The following TMEM92 variants were observed in gnomAD, a reference collection of about 807,000 sequenced individuals.
TMEM92 encodes transmembrane protein 92.
Under a neutral mutation model 14.6 loss-of-function variants are expected in TMEM92, and 15 were observed. That is an observed-to-expected ratio of 1.03 (90% confidence interval 0.69 to 1.58). The LOEUF (loss-of-function observed/expected upper bound fraction) is 1.58. Among genes scored for constraint, TMEM92 ranks in the 40% most tolerant of loss-of-function variants. TMEM92 has a pLI of 0.00. For missense variants in TMEM92, 174 were observed against 202.4 expected (o/e 0.86, Z 0.85); for synonymous variants, 85 against 83.3 (o/e 1.02, Z -0.11).
intron 3 of TMEM92, 67 bp from the exon 4 acceptor site, chr17:50,278,734 G>T: frequency 2.5e-6 from 4 of 1,571,116 alleles, no homozygotes; most frequent in Non-Finnish European, 2.6e-6. Flanking sequence ...CGGCGGGAGC[G>T]GGGAGATGTA....
rs1444488749 is a variant in TMEM92, at chr17:50,281,123, G to A, written c.*1815G>A. On this transcript the variant is annotated 3_prime_UTR_variant, in exon 5 of 5. Coordinates refer to ENST00000507382, the MANE Select transcript of TMEM92 (RefSeq NM_153229.3). ...CTAGGGAGTAGCAGAGTGGCCCTAG[G>A]GAAAGTGGCCATCCTGAAACCTAGT... 1 of 152,118 alleles carries A rather than the reference G, an allele frequency of 6.6e-6. No homozygotes were observed. The highest frequency in any genetic ancestry group is 1.5e-5 in the Non-Finnish European group (1 of 67,992). The allele number at this position is 152,118 out of a possible 1,614,324, so 9.4% of individuals were successfully genotyped here. A position where few individuals can be genotyped will look rare whatever the true frequency, so the allele number is the denominator to read the frequency against.
At chr17:50,272,973 A>G (rs973482039), upstream of TMEM92, among the ~76,000 whole-genome samples, 1 of 152,136 alleles carries the variant, frequency 6.6e-6, no homozygotes, top group African/African-American at 2.4e-5. Context: ...ACGGGGAGAG[A>G]CACAGAGGGG....
At chr17:50,279,138 G>A (rs904411023) in intron 4 of TMEM92, 57 bp from the exon 5 acceptor site, 24 of 1,556,564 alleles carry the variant, frequency 1.5e-5, no homozygotes, top group Non-Finnish European at 6.2e-6. Context: ...AGCTGGGATG[G>A]GGGAGTGGTG....
chr17:50,272,175 GCCTCCTCCCCCT>G (rs1339465591), upstream of TMEM92, among the ~76,000 whole-genome samples: 1 of 152,024 alleles, frequency 6.6e-6, no homozygotes. Flanking sequence ...AGCTATGCCA[GCCTCCTCCCCCT>G]CCTCCTGCCC....
At chr17:50,279,146 G>A (rs1013202967) in intron 4 of TMEM92, 49 bp from the exon 5 acceptor site, 3 of 1,583,778 alleles carry the variant, frequency 1.9e-6, no homozygotes, top group Non-Finnish European at 2.6e-6. Flanking sequence ...TGGGGGAGTG[G>A]TGGCCAGGGC....
upstream of TMEM92, among the ~76,000 whole-genome samples, chr17:50,273,463 G>T (rs1401991691): frequency 2.0e-5 from 3 of 152,240 alleles, no homozygotes; most frequent in African/African-American, 7.2e-5. Flanking sequence ...GCTCGCCCGC[G>T]CCCCGGCGGG....
intron 1 of TMEM92, among the ~76,000 whole-genome samples, chr17:50,276,623 T>A (rs1910441395): frequency 6.6e-6 from 1 of 152,090 alleles, no homozygotes; most frequent in Non-Finnish European, 1.5e-5. Context: ...GAGATGCCCT[T>A]CCCCACCACC....
chr17:50,278,882 A>G lies in TMEM92; in HGVS notation c.252A>G (p.Arg84=). The part of the protein sequence containing the change: ...GLAKCFCRNC[R]EPEPDSPVDC... ...CTAAGTGCTTCTGTCGCAACTGCAG[A>G]GAGCCGGAGCCAGACAGCCCAGTGG... Residue 84 remains arginine (R), a synonymous_variant, in exon 4 of 5, where the codon AGA becomes AGG. Transcript: ENST00000507382. The G allele has an allele frequency of 6.2e-7, 1 of 1,613,738 alleles. No homozygotes were observed. The highest frequency in any genetic ancestry group is 2.2e-5 in the East Asian group (1 of 44,838).
At chr17:50,279,103 C>A in intron 4 of TMEM92, 92 bp from the exon 5 acceptor site, 1 of 1,460,994 alleles carries the variant, frequency 6.8e-7, no homozygotes, top group Non-Finnish European at 9.6e-7. Flanking sequence ...CATTGGGTCA[C>A]CCCTCTCCCT....
intron 1 of TMEM92, among the ~76,000 whole-genome samples, chr17:50,276,906 G>T (rs1223109089): frequency 3.3e-5 from 5 of 152,186 alleles, no homozygotes; most frequent in African/African-American, 1.2e-4. Context: ...GGAAAAGGGT[G>T]GTTGTAATTT....
Position 50,279,227 on chromosome 17 carries a change from C to T in TMEM92, c.399C>T (p.Pro133=), listed in dbSNP as rs1910535222. The change falls in exon 5 of 5, where the codon CCC becomes CCT. Residue 133 remains proline, a synonymous_variant. Coordinates refer to ENST00000507382, the MANE Select transcript of TMEM92 (RefSeq NM_153229.3). ...VILKPSLGPT[P]TEPPPPYSFR... is the part of the protein sequence containing the mutation. Reference sequence around the variant, plus strand: ...TGAAGCCCAGCCTGGGCCCAACTCCCACAGAGCCACCCCCTCCCTACAGCT... The same window carrying T: ...TGAAGCCCAGCCTGGGCCCAACTCCTACAGAGCCACCCCCTCCCTACAGCT... 6.2e-7 allele frequency: 1 copy of T among 1,614,018 alleles called. No homozygotes were observed. The highest frequency in any genetic ancestry group is 2.2e-5 in the East Asian group (1 of 44,864).
rs889513755 is a variant in TMEM92, at chr17:50,279,903, C to T, written c.*595C>T. 6 of 154,700 alleles carry T rather than the reference C, an allele frequency of 3.9e-5. No individual in the cohort carries two copies. The highest frequency in any genetic ancestry group is 1.4e-4 in the African/African-American group (6 of 41,438). 9.6% of individuals were successfully genotyped at this position (154,700 alleles called of 1,614,324 possible). On this transcript the variant is annotated 3_prime_UTR_variant, in exon 5 of 5. Transcript: ENST00000507382. ...GGTGATGGGGTCGCTGCGCCGCAATCCCACCACTGATGAGCCACCTGGGAG... is the reference window on the plus strand; with the variant it reads ...GGTGATGGGGTCGCTGCGCCGCAATTCCACCACTGATGAGCCACCTGGGAG...
Position 50,278,903 on chromosome 17 carries a change from A to T in TMEM92, c.273A>T (p.Pro91=). ...GCAGAGAGCCGGAGCCAGACAGCCC[A>T]GTGGATTGCCGGGGGCCCCTGGAAC... ...RNCREPEPDS[P]VDCRGPLELP... is the part of the protein sequence containing the mutation. The change falls in exon 4 of 5, where the codon CCA becomes CCT. Residue 91 remains proline (P), a synonymous_variant. Coordinates refer to ENST00000507382, the MANE Select transcript of TMEM92 (RefSeq NM_153229.3). 1 of 1,613,738 alleles carries T rather than the reference A, an allele frequency of 6.2e-7. No individual in the cohort carries two copies. The highest frequency in any genetic ancestry group is 8.5e-7 in the Non-Finnish European group (1 of 1,179,850).
At chr17:50,274,831 G>C (rs1018190105) in intron 1 of TMEM92, 2 of 526,428 alleles carry the variant, frequency 3.8e-6, no homozygotes, top group African/African-American at 3.9e-5. Flanking sequence ...CTGACACCTA[G>C]CACGTCTCTG....
At chr17:50,274,988 A>T (rs1372188174) in intron 1 of TMEM92, 2 of 176,368 alleles carry the variant, frequency 1.1e-5, no homozygotes, top group African/African-American at 4.8e-5. Context: ...CCTCTTTGGG[A>T]CTGTGTCTCT....
In TMEM92 at chr17:50,278,872, G is replaced by T; in HGVS notation, c.242G>T (p.Arg81Leu). ...CICGLAKCFC[R>L]NCREPEPDSP... ...TGTGGCCTGGCTAAGTGCTTCTGTC[G>T]CAACTGCAGAGAGCCGGAGCCAGAC... Residue 81 changes from arginine (R) to leucine (L), a missense_variant, in exon 4 of 5, where the codon CGC becomes CTC. Coordinates refer to ENST00000507382, the MANE Select transcript of TMEM92 (RefSeq NM_153229.3). The T allele has an allele frequency of 6.2e-7, 1 of 1,613,750 alleles. No homozygotes were observed. Among genetic ancestry groups the T allele is most frequent in the Non-Finnish European group, 8.5e-7 (1 of 1,179,872 alleles).
At chr17:50,276,398 G>T (rs1910433323) in intron 1 of TMEM92, among the ~76,000 whole-genome samples, 1 of 152,234 alleles carries the variant, frequency 6.6e-6, no homozygotes, top group African/African-American at 2.4e-5. Context: ...AGGGGACAAA[G>T]CCTGTGAGAT....
upstream of TMEM92, chr17:50,274,334 C>G (rs934719880): frequency 6.1e-6 from 4 of 658,036 alleles, no homozygotes; most frequent in Non-Finnish European, 1.1e-5. Flanking sequence ...CAGACCTCTG[C>G]GCCTCCCTTC....
upstream of TMEM92, chr17:50,274,299 A>G (rs2143037625): frequency 1.7e-6 from 1 of 591,410 alleles, no homozygotes; most frequent in Non-Finnish European, 3.0e-6. Context: ...AATCTCTTCT[A>G]CCTCCCAAAT....
Sources: allele counts gnomAD v4.1 joint callset (sites outside exome capture counted in the v4.1 genomes callset), GRCh38; gene constraint gnomAD v4.1.1; transcripts MANE v1.5; gene names NCBI Gene and HGNC (gene_info 2026-07-23, HGNC 2026-07-21).